Variants in CC2D2A observed in about 807,000 individuals in gnomAD.
The protein encoded by CC2D2A is coiled-coil and C2 domain-containing protein 2A.
In CC2D2A, 155 loss-of-function variants were observed where a neutral mutation model predicts 212.9. The observed-to-expected ratio is 0.73, with a 90% confidence interval of 0.64 to 0.83. The LOEUF (loss-of-function observed/expected upper bound fraction) is 0.83. Ranked by LOEUF, CC2D2A falls within the 40% of genes least tolerant of loss-of-function variation. The pLI is 0.00. For missense variants in CC2D2A, 1,856 were observed against 1,956.2 expected (o/e 0.95, Z 0.97); for synonymous variants, 667 against 686.5 (o/e 0.97, Z 0.44).
intron 11 of CC2D2A, among the ~76,000 whole-genome samples, chr4:15,525,663 C>A (rs1285339596): frequency 1.3e-5 from 2 of 152,164 alleles, no homozygotes; most frequent in African/African-American, 4.8e-5. Context: ...GTGGTTTTTC[C>A]TTCTATAAAT....
Position 15,601,279 on chromosome 4 carries a change from C to A in CC2D2A, c.4717C>A (p.Pro1573Thr). 1 of 1,613,026 alleles carries A rather than the reference C, an allele frequency of 6.2e-7. No homozygotes were observed. Among genetic ancestry groups the A allele is most frequent in the Non-Finnish European group, 8.5e-7 (1 of 1,179,398 alleles). ...TCACATGCCTTATTCTGAAGTGAAGCCTTTAATTGACGCTGTGTATAGTAC... is the reference window on the plus strand; with the variant it reads ...TCACATGCCTTATTCTGAAGTGAAGACTTTAATTGACGCTGTGTATAGTAC... ...PLHMPYSEVK[P>T]LIDAVYSTGV... The change falls in exon 37 of 37, where the codon CCT becomes ACT. Residue 1573 changes from proline (P) to threonine (T), a missense_variant. Pro to Thr is a conservative substitution (Grantham distance 38). This residue lies in a region of CC2D2A where 285 missense variants were observed against 278.4 expected (regional missense o/e 1.02). Coordinates refer to ENST00000424120, the MANE Select transcript of CC2D2A (RefSeq NM_001378615.1).
At chr4:15,477,101 G>A (rs970371128) in intron 2 of CC2D2A, among the ~76,000 whole-genome samples, 6 of 152,210 alleles carry the variant, frequency 3.9e-5, no homozygotes, top group Non-Finnish European at 4.4e-5. Flanking sequence ...TTGGGAGTTC[G>A]AGACCAGCCT....
chr4:15,570,613 G>A, intron 28 of CC2D2A, 117 bp downstream of exon 28: 1 of 619,104 alleles, frequency 1.6e-6, no homozygotes, highest in East Asian at 3.1e-5. Context: ...CCAGCACTTT[G>A]GGAGGCCAAG....
chr4:15,591,893 A>C (rs1253972161), intron 33 of CC2D2A, among the ~76,000 whole-genome samples: 1 of 152,208 alleles, frequency 6.6e-6, no homozygotes, highest in Non-Finnish European at 1.5e-5. Flanking sequence ...TTTGTGAGGA[A>C]GAAAGAACAT....
intron 1 of CC2D2A, among the ~76,000 whole-genome samples, chr4:15,472,067 C>A (rs1410417321): frequency 6.6e-6 from 1 of 152,126 alleles, no homozygotes; most frequent in African/African-American, 2.4e-5. Context: ...TTCTGGAAAG[C>A]ACAGAATAAT....
intron 26 of CC2D2A, 28 bp downstream of exon 26, chr4:15,567,814 T>A: frequency 6.9e-7 from 1 of 1,450,934 alleles, no homozygotes; most frequent in Non-Finnish European, 9.4e-7. Context: ...TTTAAAGAAC[T>A]ATAGGACATT....
chr4:15,599,486 A>C, intron 35 of CC2D2A, 43 bp from the exon 36 acceptor site: 1 of 1,330,160 alleles, frequency 7.5e-7, no homozygotes, highest in Non-Finnish European at 1.0e-6. Context: ...TTAACAAGGG[A>C]AAAGTGAGTC....
intron 14 of CC2D2A, among the ~76,000 whole-genome samples, chr4:15,534,929 T>A (rs1024730724): frequency 6.6e-6 from 1 of 151,878 alleles, no homozygotes; most frequent in African/African-American, 2.4e-5. Flanking sequence ...ATCTGACACA[T>A]TGCTTTGAAA....
At chr4:15,502,305 C>A in intron 4 of CC2D2A, 124 bp from the exon 5 acceptor site, 1 of 720,080 alleles carries the variant, frequency 1.4e-6, no homozygotes, top group Non-Finnish European at 2.3e-6. Context: ...AAATTATGTT[C>A]TCTTATTTCT....
rs1415780433 is a variant in CC2D2A, at chr4:15,511,354, G to A, written c.648G>A (p.Ala216=). Residue 216 remains alanine, a synonymous_variant, in exon 8 of 37, where the codon GCG becomes GCA. Transcript: ENST00000424120. ...AAAAACCAAAAGCAAGACATAGAGC[G>A]GGAACTAATCAAGAGGAGGAGGAAG... is the stretch of plus-strand genomic sequence containing the variant. ...SEEKPKARHR[A]GTNQEEEEGE... 38 of 1,577,564 alleles carry A rather than the reference G, an allele frequency of 2.4e-5. No homozygotes were observed. The highest frequency in any genetic ancestry group is 3.8e-5 in the Admixed American group (2 of 52,276).
intron 22 of CC2D2A, 88 bp from the exon 23 acceptor site, chr4:15,560,443 A>G (rs370419954): frequency 2.4e-5 from 16 of 663,494 alleles, no homozygotes; most frequent in Middle Eastern, 2.5e-4. Context: ...GGACACTGAG[A>G]TGACATTAGG....
intron 5 of CC2D2A, 31 bp from the exon 6 acceptor site, chr4:15,502,791 T>G (rs773022328): frequency 6.5e-7 from 1 of 1,544,420 alleles, no homozygotes; most frequent in African/African-American, 1.4e-5. Flanking sequence ...CCTGACATCA[T>G]GTAGCAGTAA....
intron 27 of CC2D2A, among the ~76,000 whole-genome samples, chr4:15,570,140 C>T (rs1485345888): frequency 6.6e-6 from 1 of 152,174 alleles, no homozygotes; most frequent in Non-Finnish European, 1.5e-5. Flanking sequence ...GCTTTACGCA[C>T]ATTGTCTGAT....
In CC2D2A at chr4:15,537,968, C is replaced by A. The variant is rs189132953; in HGVS notation, c.1834C>A (p.Pro612Thr). The A allele has an allele frequency of 2.5e-6, 4 of 1,610,392 alleles. No homozygotes were observed. The East Asian group carries it at 8.9e-5, about 36-fold the overall frequency. ...HPGDEIAEPY[P>T]EEDLVKPSPP... ...CGGTGATGAGATTGCAGAGCCGTATCCCGAGGAGGACCTTGTGAAGCCCAG... is the reference window on the plus strand; with the variant it reads ...CGGTGATGAGATTGCAGAGCCGTATACCGAGGAGGACCTTGTGAAGCCCAG... The change falls in exon 16 of 37, where the codon CCC becomes ACC. Residue 612 changes from proline (P) to threonine (T), a missense_variant. Transcript: ENST00000424120.
At chr4:15,501,119 G>A (rs1266577709) in intron 4 of CC2D2A, among the ~76,000 whole-genome samples, 1 of 152,134 alleles carries the variant, frequency 6.6e-6, no homozygotes. Context: ...CCTCCAGGTT[G>A]AGTGTGTGTT....
chr4:15,595,913 CTGATTGTAAAA>C, intron 33 of CC2D2A, 161 bp from the exon 34 acceptor site: 1 of 431,752 alleles, frequency 2.3e-6, no homozygotes. Flanking sequence ...TATGATGCCA[CTGATTGTAAAA>C]TACACACAAT....
At chr4:15,587,002 T>G (rs1044167899) in intron 31 of CC2D2A, among the ~76,000 whole-genome samples, 4 of 152,240 alleles carry the variant, frequency 2.6e-5, no homozygotes, top group Admixed American at 2.0e-4. Flanking sequence ...AAGAAGTTAC[T>G]GAAAGACTAG....
rs747210093 is a variant in CC2D2A, at chr4:15,499,994, G to T, written c.248-2435G>T. On this transcript the variant is annotated intron_variant, in intron 4 of 36. Coordinates refer to ENST00000424120, the MANE Select transcript of CC2D2A (RefSeq NM_001378615.1). The stretch of plus-strand genomic sequence containing the variant: ...CAGTCATGTGTTATTTAATGACAGG[G>T]ATACATTCTGAGAAACGCATAACTG... Among the ~76,000 whole-genome samples the T allele has an allele frequency of 3.4e-4, 51 of 151,834 alleles. 1 individual carries two copies. The Middle Eastern group carries it at 0.01, about 30-fold the overall frequency.
intron 13 of CC2D2A, among the ~76,000 whole-genome samples, chr4:15,530,164 C>G (rs182644839): frequency 2.5e-3 from 377 of 151,978 alleles, no homozygotes; most frequent in African/African-American, 8.3e-3. Flanking sequence ...GTAGAGACGG[C>G]GTTTCACCGC....
Sources: gnomAD v4.1 joint callset for allele counts (sites outside exome capture counted in the v4.1 genomes callset) on GRCh38, gnomAD v4.1.1 for gene constraint, gnomAD v4.1.1 regional missense constraint, MANE v1.5 for transcripts, NCBI Gene and HGNC (gene_info 2026-07-23, HGNC 2026-07-21) for gene names.